Variants in PTPRG observed in about 807,000 individuals in gnomAD.
PTPRG encodes the protein protein tyrosine phosphatase receptor type G.
In PTPRG, 102 loss-of-function variants were observed where a neutral mutation model predicts 165.3. The observed-to-expected ratio is 0.62, with a 90% CI of 0.53 to 0.73. The LOEUF (loss-of-function observed/expected upper bound fraction) is 0.73. PTPRG is among the 30% of genes least tolerant of loss of function. The pLI is 0.00. For missense variants in PTPRG, 1,866 were observed against 1,861.4 expected, an observed-to-expected ratio of 1.00 and a Z score of -0.05; for synonymous variants, 675 against 669.5, an observed-to-expected ratio of 1.01 and a Z score of -0.13.
At position 62,206,563 on chromosome 3, in the gene PTPRG, G is replaced by A. The variant is rs556716988; in HGVS notation, c.2155+2613G>A. Reference sequence around the variant, plus strand: ...ACACAATGATGGTGACTGTGAGGAGGCCCCCCACAGCCCTTTCCTTTGCTA... The same window carrying A: ...ACACAATGATGGTGACTGTGAGGAGACCCCCCACAGCCCTTTCCTTTGCTA... On this transcript the variant is annotated intron_variant, in intron 12 of 29. Coordinates refer to ENST00000474889, the MANE Select transcript of PTPRG (RefSeq NM_002841.4). 5.3e-4 allele frequency among the ~76,000 whole-genome samples: 81 copies of A among 152,172 alleles called. 1 individual carries two copies. The highest frequency in any genetic ancestry group is 3.4e-4 in the African/African-American group (14 of 41,514).
At chr3:61,725,836 A>G (rs1286414737) in intron 1 of PTPRG, among the ~76,000 whole-genome samples, 1 of 151,822 alleles carries the variant, frequency 6.6e-6, no homozygotes, top group African/African-American at 2.4e-5. Flanking sequence ...CGGTTTGGTA[A>G]TGTCTTATCA....
intron 1 of PTPRG, among the ~76,000 whole-genome samples, chr3:61,735,561 G>C (rs1190630424): frequency 6.6e-6 from 1 of 151,092 alleles, no homozygotes; most frequent in Non-Finnish European, 1.5e-5. Context: ...AAATGCCGGG[G>C]ACAGGCCTAC....
intron 20 of PTPRG, 53 bp downstream of exon 20, chr3:62,269,222 G>A: frequency 6.7e-7 from 1 of 1,488,554 alleles, no homozygotes; most frequent in Non-Finnish European, 9.1e-7. Context: ...ATACTTGTAT[G>A]AAAATTACTG....
At chr3:62,175,462 GA>G (rs986482316) in intron 8 of PTPRG, among the ~76,000 whole-genome samples, 2 of 152,162 alleles carry the variant, frequency 1.3e-5, no homozygotes, top group African/African-American at 4.8e-5. Context: ...AAAAAGAAAA[GA>G]AAAAGAAAGT....
At position 62,203,656 on chromosome 3, in the gene PTPRG, A is replaced by C; in HGVS notation, c.1861A>C (p.Thr621Pro). The change falls in exon 12 of 30, where the codon ACG (threonine) becomes CCG (proline). Residue 621 changes from threonine (T) to proline (P), a missense_variant. Around this residue, in one of 3 missense-constraint regions of PTPRG, gnomAD observed 1,452 missense variants for 1,463.0 expected, o/e 0.99. Transcript: ENST00000474889. This position sits in a 1 kb window ranked among gnomAD's most constrained non-coding sequence, Gnocchi z 6.4. ...CCACGCTGCCGAGGAGCGGAATCAG[A>C]CGGAGCCCAGCCCCACACCCTCGTC... Reference protein sequence around the residue: ...VTHAAEERNQTEPSPTPSSPN... With the variant: ...VTHAAEERNQPEPSPTPSSPN... The C allele has an allele frequency of 6.4e-7, 1 of 1,562,008 alleles. No individual in the cohort carries two copies. Among genetic ancestry groups the C allele is most frequent in the Non-Finnish European group, 8.7e-7 (1 of 1,152,644 alleles).
intron 2 of PTPRG, among the ~76,000 whole-genome samples, chr3:61,775,360 T>G (rs1171801841): frequency 6.6e-6 from 1 of 152,136 alleles, no homozygotes; most frequent in Non-Finnish European, 1.5e-5. Flanking sequence ...CATGAGGCAC[T>G]GCACCAGGCC....
intron 2 of PTPRG, among the ~76,000 whole-genome samples, chr3:61,921,719 A>T (rs1353827278): frequency 6.6e-6 from 1 of 152,196 alleles, no homozygotes; most frequent in Non-Finnish European, 1.5e-5. Flanking sequence ...CTCATTATTT[A>T]TTTGAAAATA....
Position 61,582,976 on chromosome 3 carries a change from C to T in PTPRG, c.85+20604C>T, listed in dbSNP as rs534810187. Among the ~76,000 whole-genome samples the T allele has an allele frequency of 7.4e-4, 112 of 152,268 alleles. 1 individual carries two copies. Among genetic ancestry groups the T allele is most frequent in the African/African-American group, 2.0e-3 (85 of 41,554 alleles). ...AATAATGAGATAAGATACCTTCCTA[C>T]GGGTATCCTGGCTGGTATTTTATGT... On this transcript the variant is annotated intron_variant, in intron 1 of 29. Transcript: ENST00000474889.
At chr3:62,000,005 C>G (rs973908315) in intron 3 of PTPRG, among the ~76,000 whole-genome samples, 1 of 151,922 alleles carries the variant, frequency 6.6e-6, no homozygotes, top group Non-Finnish European at 1.5e-5. Flanking sequence ...CTTAAGATCT[C>G]CCCCCCAGGC....
chr3:62,090,128 A>C (rs1300774909), intron 5 of PTPRG, among the ~76,000 whole-genome samples: 1 of 152,222 alleles, frequency 6.6e-6, no homozygotes, highest in South Asian at 2.1e-4. Flanking sequence ...ATATAATAAA[A>C]TGTTCTGCAT....
chr3:62,263,087 G>A (rs1049290531), intron 17 of PTPRG, 193 bp downstream of exon 17: 101 of 515,414 alleles, frequency 2.0e-4, no homozygotes, highest in Non-Finnish European at 3.0e-4. Flanking sequence ...TCATTAGGCT[G>A]TCAGGGCTCA....
intron 2 of PTPRG, among the ~76,000 whole-genome samples, chr3:61,974,845 C>T (rs951858100): frequency 1.3e-5 from 2 of 152,124 alleles, no homozygotes; most frequent in Non-Finnish European, 2.9e-5. Context: ...AGATCCTGTC[C>T]TTTGTGGAGC....
chr3:61,805,245 C>G (rs1479564261), intron 2 of PTPRG, among the ~76,000 whole-genome samples: 1 of 152,148 alleles, frequency 6.6e-6, no homozygotes, highest in Non-Finnish European at 1.5e-5. Flanking sequence ...GAGCTACCAG[C>G]CTCTAGTGGG....
At chr3:61,878,713 G>A (rs1026970956) in intron 2 of PTPRG, among the ~76,000 whole-genome samples, 3 of 151,724 alleles carry the variant, frequency 2.0e-5, no homozygotes, top group South Asian at 4.2e-4. Context: ...TATGTTGCCC[G>A]GGTTGGTCTC....
chr3:62,140,890 A>G lies in PTPRG; in HGVS notation c.682+8222A>G, dbSNP rs1048598199. Among the ~76,000 whole-genome samples the G allele has an allele frequency of 1.2e-4, 18 of 151,166 alleles. 1 individual carries two copies. Among genetic ancestry groups the G allele is most frequent in the Admixed American group, 9.2e-4 (14 of 15,150 alleles). On this transcript the variant is annotated intron_variant, in intron 6 of 29. Coordinates refer to ENST00000474889, the MANE Select transcript of PTPRG (RefSeq NM_002841.4). ...AAAAAAAAAAGAGTGGGGTGGAGGA[A>G]TATATTGAGTGAAAAGGAACCTGAG... is the stretch of plus-strand genomic sequence containing the variant.
intron 1 of PTPRG, among the ~76,000 whole-genome samples, chr3:61,653,104 A>G (rs1702404560): frequency 6.6e-6 from 1 of 152,234 alleles, no homozygotes; most frequent in African/African-American, 2.4e-5. Context: ...ATAAGCCAAA[A>G]GAAGAGACAA....
intron 1 of PTPRG, among the ~76,000 whole-genome samples, chr3:61,628,135 G>A (rs1186723830): frequency 2.0e-5 from 3 of 152,116 alleles, no homozygotes; most frequent in African/African-American, 7.2e-5. Context: ...AGTATATGTT[G>A]GAGTGCCGAC....
chr3:62,131,258 CGAAAAA>C (rs1703503444), intron 5 of PTPRG, among the ~76,000 whole-genome samples: 3 of 152,058 alleles, frequency 2.0e-5, no homozygotes, highest in Non-Finnish European at 4.4e-5. Context: ...TATGTGACAA[CGAAAAA>C]CGTCTCCAGA....
chr3:61,804,548 A>G (rs2035352945), intron 2 of PTPRG, among the ~76,000 whole-genome samples: 1 of 152,104 alleles, frequency 6.6e-6, no homozygotes. Context: ...GTTAACATAG[A>G]TCTGTCTCAT....
Sources: gnomAD v4.1 joint callset for allele counts (sites outside exome capture counted in the v4.1 genomes callset) on GRCh38, gnomAD v4.1.1 for gene constraint, gnomAD v4.1.1 regional missense constraint, Gnocchi (gnomAD v3.1) non-coding constraint, MANE v1.5 for transcripts, NCBI Gene and HGNC (gene_info 2026-07-23, HGNC 2026-07-21) for gene names.